The following DOP1B variants were observed in gnomAD, a reference collection of about 807,000 sequenced individuals.
The protein encoded by DOP1B is DOP1 leucine zipper like protein B.
A neutral mutation model predicts 233.5 loss-of-function variants in DOP1B; 174 were observed. The ratio of observed to expected loss-of-function variants is 0.75; its 90% CI spans 0.66 to 0.85. The LOEUF is 0.85. Among genes scored for constraint, DOP1B ranks in the 40% least tolerant of loss-of-function variants. The pLI is 0.00. For synonymous variants in DOP1B, 1,190 were observed against 1,185.6 expected (o/e 1.00, Z -0.08); for missense variants, 2,652 against 2,846.6 (o/e 0.93, Z 1.56).
At chr21:36,276,091 G>GC (rs2067346850) in intron 27 of DOP1B, among the ~76,000 whole-genome samples, 1 of 152,062 alleles carries the variant, frequency 6.6e-6, no homozygotes, top group South Asian at 2.1e-4. Context: ...AGAGAAGAAG[G>GC]CCAGGGGCTT....
At chr21:36,229,688 GTC>G (rs2066736515) in intron 13 of DOP1B, among the ~76,000 whole-genome samples, 1 of 139,236 alleles carries the variant, frequency 7.2e-6, no homozygotes, top group East Asian at 2.2e-4. Context: ...TTGAGACAGA[GTC>G]TCTCTCTGTC....
At position 36,271,112 on chromosome 21, in the gene DOP1B, G is replaced by T. The variant is rs1484150530; in HGVS notation, c.5632+955G>T. ...TCTAATTAAAACTGGTAAGGGAAAAGATGTTGGAAAGTTAAAAAAAAAAAA... is the reference window on the plus strand; with the variant it reads ...TCTAATTAAAACTGGTAAGGGAAAATATGTTGGAAAGTTAAAAAAAAAAAA... On this transcript the variant is annotated intron_variant, in intron 27 of 36. Transcript: ENST00000691173. Among the ~76,000 whole-genome samples the T allele has an allele frequency of 2.0e-5, 3 of 149,414 alleles. No homozygotes were observed. In the East Asian group the frequency reaches 5.8e-4, roughly 29 times the overall value.
At chr21:36,179,066 C>T (rs1017079336) in intron 2 of DOP1B, among the ~76,000 whole-genome samples, 22 of 152,090 alleles carry the variant, frequency 1.4e-4, no homozygotes, top group East Asian at 1.9e-4. Context: ...CAGTATGTGC[C>T]GTCTCTCTCC....
chr21:36,174,459 G>T (rs1456287056), intron 2 of DOP1B, among the ~76,000 whole-genome samples: 2 of 152,200 alleles, frequency 1.3e-5, no homozygotes, highest in Non-Finnish European at 2.9e-5. Flanking sequence ...CTGCACTCCA[G>T]CACTCCAGCC....
chr21:36,247,694 T>C, intron 20 of DOP1B, 66 bp downstream of exon 20: 1 of 1,202,764 alleles, frequency 8.3e-7, no homozygotes, highest in Non-Finnish European at 1.2e-6. Flanking sequence ...GGGCTATGAC[T>C]GTTTCAAATA....
rs1214654983 is a variant in DOP1B at position 36,253,869 on chromosome 21, A to G, written c.5219A>G (p.Glu1740Gly). The G allele has an allele frequency of 6.2e-6, 10 of 1,613,794 alleles. No homozygotes were observed. The South Asian group carries it at 8.8e-5, about 14-fold the overall frequency. ...GACACGCTGCTGCACCTGGTGAAGGAGGTGGTGAAGAGGCCACCCCAAGTC... is the reference window on the plus strand; with the variant it reads ...GACACGCTGCTGCACCTGGTGAAGGGGGTGGTGAAGAGGCCACCCCAAGTC... The part of the protein sequence containing the change: ...QTDTLLHLVK[E>G]VVKRPPQVKG... Residue 1740 changes from glutamate (E) to glycine (G), a missense_variant, in exon 23 of 37, where the codon GAG becomes GGG. Glu to Gly is a moderately conservative substitution (Grantham distance 98, BLOSUM62 -2). This residue lies in a region of DOP1B where 2,617 missense variants were observed against 2,794.3 expected (regional missense o/e 0.94). Coordinates refer to ENST00000691173, the MANE Select transcript of DOP1B (RefSeq NM_001320714.2).
rs1358717067 is a variant in DOP1B, at chr21:36,293,799, A to G, written c.*228A>G. On this transcript the variant is annotated 3_prime_UTR_variant, in exon 37 of 37. Coordinates refer to ENST00000691173, the MANE Select transcript of DOP1B (RefSeq NM_001320714.2). ...GGAGTTCGAGACCAGCCTGACCAAC[A>G]TGGTGAGACCCTGTCTCTACTAAAA... 1 of 465,070 alleles carries G rather than the reference A, an allele frequency of 2.2e-6. No individual in the cohort carries two copies. The highest frequency in any genetic ancestry group is 3.9e-6 in the Non-Finnish European group (1 of 255,320). 28.8% of individuals were successfully genotyped at this position (465,070 alleles called of 1,614,324 possible). A position where few individuals can be genotyped will look rare whatever the true frequency, so the allele number is the denominator to read the frequency against.
Position 36,230,999 on chromosome 21 carries a change from C to G in DOP1B, c.2215C>G (p.Leu739Val), listed in dbSNP as rs1461286701. 1 of 1,614,134 alleles carries G rather than the reference C, an allele frequency of 6.2e-7. No individual in the cohort carries two copies. The highest frequency in any genetic ancestry group is 1.1e-5 in the South Asian group (1 of 91,086). Residue 739 changes from leucine (L) to valine (V), a missense_variant, in exon 14 of 37, where the codon CTG (leucine) becomes GTG (valine). By Grantham distance (32) the Leu-to-Val change is conservative (BLOSUM62 1). Transcript: ENST00000691173. Reference sequence around the variant, plus strand: ...GGATGTTGAGAAGGTGGTCATTGACCTGGGGGGTTCCAGGGAGGAACGCAG... The same window carrying G: ...GGATGTTGAGAAGGTGGTCATTGACGTGGGGGGTTCCAGGGAGGAACGCAG... Reference protein sequence around the residue: ...EWDVEKVVIDLGGSREERREA... With the variant: ...EWDVEKVVIDVGGSREERREA...
Position 36,230,686 on chromosome 21 carries a change from C to A in DOP1B, c.1902C>A (p.Ile634=). The change falls in exon 14 of 37, where the codon ATC becomes ATA. Residue 634 remains isoleucine, a synonymous_variant. Coordinates refer to ENST00000691173, the MANE Select transcript of DOP1B (RefSeq NM_001320714.2). ...QRTFLCIQEL[I]ANFASKNIFG... Reference sequence around the variant, plus strand: ...CGTTTCTTTGCATCCAAGAGCTAATCGCCAACTTTGCCAGCAAGAACATTT... The same window carrying A: ...CGTTTCTTTGCATCCAAGAGCTAATAGCCAACTTTGCCAGCAAGAACATTT... 1 of 1,614,136 alleles carries A rather than the reference C, an allele frequency of 6.2e-7. No individual in the cohort carries two copies. The highest frequency in any genetic ancestry group is 8.5e-7 in the Non-Finnish European group (1 of 1,180,036).
intron 11 of DOP1B, 111 bp from the exon 12 acceptor site, chr21:36,225,454 C>T (rs2066670992): frequency 6.6e-6 from 8 of 1,203,352 alleles, no homozygotes; most frequent in Admixed American, 4.1e-5. Flanking sequence ...TGGTCTCAGA[C>T]TCCTGAGCTC....
intron 32 of DOP1B, among the ~76,000 whole-genome samples, chr21:36,283,480 A>T (rs564177239): frequency 6.6e-6 from 1 of 152,338 alleles, no homozygotes; most frequent in South Asian, 2.1e-4. Flanking sequence ...ACTTTAACTG[A>T]CATAATTTCC....
chr21:36,230,321 A>G, intron 13 of DOP1B, 129 bp from the exon 14 acceptor site: 1 of 1,169,852 alleles, frequency 8.5e-7, no homozygotes, highest in Non-Finnish European at 1.2e-6. Flanking sequence ...TACACTTAAC[A>G]CAGGGATTCT....
At position 36,246,512 on chromosome 21, in the gene DOP1B, A is replaced by G; in HGVS notation, c.4532A>G (p.Tyr1511Cys). ...GTGGTGAGGGGTCTGCAGCCCGCCT[A>G]CGGTTACGGCATGCATCCGGCCTGG... is the stretch of plus-strand genomic sequence containing the variant. ...SAVVRGLQPAYGYGMHPAWVS... is the reference protein window; with the variant it reads ...SAVVRGLQPACGYGMHPAWVS... Residue 1511 changes from tyrosine (Y) to cysteine (C), a missense_variant, in exon 19 of 37, where the codon TAC becomes TGC. Around this residue, in one of 3 missense-constraint regions of DOP1B, gnomAD observed 2,617 missense variants for 2,794.3 expected, o/e 0.94. Coordinates refer to ENST00000691173, the MANE Select transcript of DOP1B (RefSeq NM_001320714.2). The surrounding 1 kb of genome is among the most constrained non-coding windows in gnomAD (Gnocchi z 5.1). 1 of 1,614,084 alleles carries G rather than the reference A, an allele frequency of 6.2e-7. No homozygotes were observed. Among genetic ancestry groups the G allele is most frequent in the South Asian group, 1.1e-5 (1 of 91,080 alleles).
At chr21:36,241,693 CTTTTTTTTTT>C (rs58454212) in intron 18 of DOP1B, among the ~76,000 whole-genome samples, 1 of 105,550 alleles carries the variant, frequency 9.5e-6, no homozygotes, top group Admixed American at 1.1e-4. Context: ...TTCTTTCTTT[CTTTTTTTTTT>C]TTTTTTTTTG....
At chr21:36,211,441 C>T in intron 5 of DOP1B, 112 bp from the exon 6 acceptor site, 1 of 945,060 alleles carries the variant, frequency 1.1e-6, no homozygotes, top group South Asian at 1.5e-5. Context: ...GCTGCTGGTT[C>T]TCTTCTGAGT....
intron 1 of DOP1B, among the ~76,000 whole-genome samples, chr21:36,162,268 C>T (rs1241106818): frequency 1.3e-5 from 2 of 152,154 alleles, no homozygotes; most frequent in African/African-American, 4.8e-5. Context: ...GATCATGGCT[C>T]ACTGCAGCCT....
chr21:36,267,625 CTTTTTT>C (rs3029062), intron 26 of DOP1B, among the ~76,000 whole-genome samples: 2 of 116,932 alleles, frequency 1.7e-5, no homozygotes, highest in South Asian at 5.5e-4. Context: ...TGCAGTGAGA[CTTTTTT>C]TTTTTTTTTT....
At chr21:36,289,618 G>T (rs1419932463) in intron 35 of DOP1B, among the ~76,000 whole-genome samples, 1 of 152,092 alleles carries the variant, frequency 6.6e-6, no homozygotes, top group African/African-American at 2.4e-5. Context: ...TTGCCCCATA[G>T]GCTTATGTTT....
chr21:36,238,853 A>T, intron 17 of DOP1B, 152 bp downstream of exon 17: 1 of 744,376 alleles, frequency 1.3e-6, no homozygotes, highest in Admixed American at 2.4e-5. Flanking sequence ...CTGTAATCCC[A>T]GCCCTTTGGG....
Sources: gnomAD v4.1 joint callset for allele counts (sites outside exome capture counted in the v4.1 genomes callset) on GRCh38, gnomAD v4.1.1 for gene constraint, gnomAD v4.1.1 regional missense constraint, Gnocchi (gnomAD v3.1) non-coding constraint, MANE v1.5 for transcripts, NCBI Gene and HGNC (gene_info 2026-07-23, HGNC 2026-07-21) for gene names.